Variants in CTNND1 observed in about 807,000 individuals in gnomAD.
The protein encoded by CTNND1 is catenin delta-1.
Under a neutral mutation model 112.1 loss-of-function variants are expected in CTNND1, and 16 were observed. That is an observed-to-expected ratio of 0.14 (90% confidence interval 0.10 to 0.22). CTNND1 has a LOEUF of 0.22. Ranked by LOEUF, CTNND1 falls within the 10% of genes least tolerant of loss-of-function variation. CTNND1 has a pLI of 1.00. For missense variants in CTNND1, 1,008 were observed against 1,257.0 expected, an observed-to-expected ratio of 0.80 and a Z score of 3.00; for synonymous variants, 420 against 446.5, an observed-to-expected ratio of 0.94 and a Z score of 0.75.
intron 5 of CTNND1, among the ~76,000 whole-genome samples, chr11:57,795,996 T>C (rs1313943683): frequency 6.6e-6 from 1 of 152,046 alleles, no homozygotes; most frequent in Non-Finnish European, 1.5e-5. Context: ...GGACTTCCTA[T>C]AGGATGGAAA....
At chr11:57,792,168 TG>T (rs956178732) in intron 3 of CTNND1, among the ~76,000 whole-genome samples, 4 of 152,292 alleles carry the variant, frequency 2.6e-5, no homozygotes, top group Non-Finnish European at 5.9e-5. Context: ...CTCTTTTTGT[TG>T]GCTGTGTAAA....
intron 1 of CTNND1, among the ~76,000 whole-genome samples, chr11:57,770,421 G>A (rs1008248409): frequency 1.3e-5 from 2 of 151,966 alleles, no homozygotes; most frequent in African/African-American, 4.8e-5. Context: ...TTGGGAGGCC[G>A]AGGCAGGCGG....
chr11:57,766,974 CTT>C (rs779955741), intron 1 of CTNND1, among the ~76,000 whole-genome samples: 22 of 140,014 alleles, frequency 1.6e-4, no homozygotes, highest in Admixed American at 2.1e-4. Context: ...ATTTTCTTAT[CTT>C]TTTTTTTTTT....
rs796176463 is a variant in CTNND1, at chr11:57,812,525, GA to G, written c.2638+1049del. Among the ~76,000 whole-genome samples the G allele has an allele frequency of 4.1e-3, 613 of 147,986 alleles. 3 individuals are homozygous for G. Among genetic ancestry groups the G allele is most frequent in the African/African-American group, 8.8e-3 (356 of 40,448 alleles). The stretch of plus-strand genomic sequence containing the variant: ...ACAGAGTTGAGACTCCGTATCAAAA[GA>G]AAAAAAAAATCACTTTTATTGTTTT... On this transcript the variant is annotated intron_variant, in intron 17 of 20. Transcript: ENST00000399050.
At chr11:57,784,635 C>T (rs2059944617) in intron 1 of CTNND1, among the ~76,000 whole-genome samples, 1 of 152,064 alleles carries the variant, frequency 6.6e-6, no homozygotes, top group Admixed American at 6.6e-5. Flanking sequence ...TCCTGAATAG[C>T]TGGGATTACA....
chr11:57,798,030 T>C (rs1326055898), intron 6 of CTNND1, among the ~76,000 whole-genome samples: 1 of 151,764 alleles, frequency 6.6e-6, no homozygotes, highest in East Asian at 1.9e-4. Flanking sequence ...TTCCTGGGAA[T>C]TTCTTTAGTT....
chr11:57,774,962 C>G (rs916657746), intron 1 of CTNND1, among the ~76,000 whole-genome samples: 2 of 151,344 alleles, frequency 1.3e-5, no homozygotes, highest in Non-Finnish European at 2.9e-5. Flanking sequence ...ATCTGCCTGC[C>G]TCAGCCTCCC....
intron 3 of CTNND1, among the ~76,000 whole-genome samples, chr11:57,792,170 G>A (rs1298396424): frequency 6.6e-6 from 1 of 152,072 alleles, no homozygotes; most frequent in Non-Finnish European, 1.5e-5. Flanking sequence ...CTTTTTGTTG[G>A]CTGTGTAAAT....
chr11:57,803,481 A>C, intron 7 of CTNND1, 140 bp from the exon 8 acceptor site: 1 of 552,430 alleles, frequency 1.8e-6, no homozygotes, highest in African/African-American at 1.9e-5. Context: ...GAGGGTCGCA[A>C]ACAAAGCTTG....
chr11:57,793,904 A>G (rs1437568099), intron 3 of CTNND1, 106 bp from the exon 4 acceptor site: 9 of 1,070,780 alleles, frequency 8.4e-6, no homozygotes, highest in African/African-American at 6.2e-5. Context: ...CAGGCCACAC[A>G]TATCTTCTTG....
chr11:57,794,740 A>C (rs2061164682), intron 4 of CTNND1, among the ~76,000 whole-genome samples: 1 of 151,226 alleles, frequency 6.6e-6, no homozygotes. Flanking sequence ...AGCTGAGATC[A>C]TGCCATTGTA....
chr11:57,811,412 A>G lies in CTNND1; in HGVS notation c.2564A>G (p.Asn855Ser), dbSNP rs1490178720. 1.2e-6 allele frequency: 2 copies of G among 1,613,332 alleles called. No homozygotes were observed. Among genetic ancestry groups the G allele is most frequent in the South Asian group, 1.1e-5 (1 of 90,982 alleles). Reference sequence around the variant, plus strand: ...GTTTGCCTCTAGGTGAATCTAAACAATGCTTCCCGAAGCCAGAGCAGTCAT... The same window carrying G: ...GTTTGCCTCTAGGTGAATCTAAACAGTGCTTCCCGAAGCCAGAGCAGTCAT... ...KKSDFQVNLN[N>S]ASRSQSSHSY... Residue 855 changes from asparagine (N) to serine (S), a missense_variant, in exon 17 of 21, where the codon AAT becomes AGT. By Grantham distance (46) the Asn-to-Ser change is conservative. This residue lies in a region of CTNND1 where 28 missense variants were observed against 60.6 expected (regional missense o/e 0.46). Transcript: ENST00000399050.
chr11:57,787,271 C>T (rs905385061), intron 1 of CTNND1, among the ~76,000 whole-genome samples: 3 of 152,172 alleles, frequency 2.0e-5, no homozygotes, highest in African/African-American at 7.2e-5. Context: ...GTCCCAGAAA[C>T]ACTGGTATAG....
chr11:57,791,935 A>G (rs1293908490), intron 3 of CTNND1, among the ~76,000 whole-genome samples: 1 of 152,178 alleles, frequency 6.6e-6, no homozygotes, highest in African/African-American at 2.4e-5. Context: ...GTGGGCTACA[A>G]TTCTAGTAAT....
chr11:57,810,514 G>T (rs921512293), intron 16 of CTNND1, among the ~76,000 whole-genome samples: 4 of 151,982 alleles, frequency 2.6e-5, no homozygotes, highest in African/African-American at 9.7e-5. Flanking sequence ...ATTTTTAGCA[G>T]AGATGAGGTT....
At chr11:57,768,182 A>T in intron 1 of CTNND1, among the ~76,000 whole-genome samples, 1 of 151,958 alleles carries the variant, frequency 6.6e-6, no homozygotes, top group East Asian at 1.9e-4. Flanking sequence ...AGGTGCTTGC[A>T]TTACAGAATA....
Position 57,791,607 on chromosome 11 carries a change from C to T in CTNND1, c.129C>T (p.Arg43=), listed in dbSNP as rs992258489. The T allele has an allele frequency of 5.4e-5, 87 of 1,608,700 alleles. No individual in the cohort carries two copies. The highest frequency in any genetic ancestry group is 7.1e-5 in the Non-Finnish European group (84 of 1,177,718). Residue 43 remains arginine (R), a synonymous_variant, in exon 3 of 21, where the codon CGC becomes CGT. Transcript: ENST00000399050. ...ERRHVSAQLE[R]VRVSPQDANP... The stretch of plus-strand genomic sequence containing the variant: ...GCCACGTCTCGGCGCAGCTGGAACG[C>T]GTCCGGGTCTCACCACAAGATGCCA...
rs2064065472 is a variant in CTNND1, at chr11:57,817,994, C to T, written c.*1686C>T. The T allele has an allele frequency of 6.6e-6, 1 of 152,492 alleles. No homozygotes were observed. The highest frequency in any genetic ancestry group is 6.6e-5 in the Admixed American group (1 of 15,248). The allele number at this position is 152,492 out of a possible 1,614,324, so 9.4% of individuals were successfully genotyped here. A position where few individuals can be genotyped will look rare whatever the true frequency, so the allele number is the denominator to read the frequency against. ...GGTAGGAGAAAAGTGCACAACCCAC[C>T]ACCCCCTTTACTCGTGCATTAAAAT... On this transcript the variant is annotated 3_prime_UTR_variant, in exon 21 of 21. Transcript: ENST00000399050.
chr11:57,804,868 G>T, intron 9 of CTNND1, 88 bp downstream of exon 9: 1 of 917,884 alleles, frequency 1.1e-6, no homozygotes. Flanking sequence ...ATCATCTCAG[G>T]CTTTCAAGTA....
Sources: allele counts gnomAD v4.1 joint callset (sites outside exome capture counted in the v4.1 genomes callset), GRCh38; gene constraint gnomAD v4.1.1; regional missense constraint gnomAD v4.1.1; transcripts MANE v1.5; gene names NCBI Gene and HGNC (gene_info 2026-07-23, HGNC 2026-07-21).